Variants in TRUB1 observed in about 807,000 individuals in gnomAD.
TRUB1 encodes TruB pseudouridine synthase family member 1, also known as pseudouridylate synthase TRUB1.
Under a neutral mutation model 33.9 loss-of-function variants are expected in TRUB1, and 23 were observed. The observed-to-expected ratio is 0.68, with a 90% CI of 0.49 to 0.96. The LOEUF (loss-of-function observed/expected upper bound fraction) is 0.96, where lower values mean the gene tolerates loss of function less well. Ranked by LOEUF, TRUB1 falls within the 40% of genes least tolerant of loss-of-function variation. The pLI is 0.00. For synonymous variants in TRUB1, 163 were observed against 165.4 expected, an observed-to-expected ratio of 0.99 and a Z score of 0.11; for missense variants, 378 against 422.2, an observed-to-expected ratio of 0.90 and a Z score of 0.92.
At chr10:114,968,921 T>C (rs1032215663) in intron 4 of TRUB1, among the ~76,000 whole-genome samples, 34 of 152,170 alleles carry the variant, frequency 2.2e-4, no homozygotes, top group Non-Finnish European at 1.6e-4. Context: ...ATAAAAAGTT[T>C]AGATAAATTT....
intron 3 of TRUB1, among the ~76,000 whole-genome samples, 161 bp from the exon 4 acceptor site, chr10:114,959,565 C>T (rs1226416486): frequency 6.6e-6 from 1 of 152,182 alleles, no homozygotes; most frequent in Non-Finnish European, 1.5e-5. Context: ...TACACAATTG[C>T]TTTCCACATA....
At chr10:114,950,089 G>T (rs1392768840) in intron 2 of TRUB1, among the ~76,000 whole-genome samples, 1 of 151,906 alleles carries the variant, frequency 6.6e-6, no homozygotes, top group East Asian at 1.9e-4. Flanking sequence ...GTAGAGACGG[G>T]GTTTCTCCAT....
rs988682114 is a variant in TRUB1 at position 114,941,564 on chromosome 10, A to G, written c.287-1081A>G. Among the ~76,000 whole-genome samples the G allele has an allele frequency of 3.9e-5, 6 of 152,054 alleles. No individual in the cohort carries two copies. In the East Asian group the frequency reaches 9.7e-4, roughly 24 times the overall value. ...CCCTGTGTTGCCTAGGGTGGTCTCA[A>G]ACTTCCAGGTTCAAGTGATCCACCC... On this transcript the variant is annotated intron_variant, in intron 1 of 7. Transcript: ENST00000298746.
chr10:114,970,087 C>G (rs570776693), intron 4 of TRUB1, among the ~76,000 whole-genome samples: 3 of 152,076 alleles, frequency 2.0e-5, no homozygotes, highest in Non-Finnish European at 4.4e-5. Flanking sequence ...ATAGTCAGAA[C>G]CAACTGAATA....
intron 6 of TRUB1, among the ~76,000 whole-genome samples, chr10:114,973,523 A>G (rs2084346156): frequency 1.3e-5 from 2 of 152,308 alleles, no homozygotes; most frequent in Admixed American, 6.5e-5. Flanking sequence ...GTGAGTTTTG[A>G]TTAATTCCCC....
At position 114,975,476 on chromosome 10, in the gene TRUB1, T is replaced by A; in HGVS notation, c.*97T>A. 2 of 149,088 alleles carry A rather than the reference T, an allele frequency of 1.3e-5. No homozygotes were observed. Among genetic ancestry groups the A allele is most frequent in the Non-Finnish European group, 2.4e-5 (2 of 82,602 alleles). The allele number at this position is 149,088 out of a possible 1,614,324, so 9.2% of individuals were successfully genotyped here. ...GCATTCAAAAGACAAACAATATGTC[T>A]TTTTTTTTTTTGCATGAAGAAAAAT... On this transcript the variant is annotated 3_prime_UTR_variant, in exon 8 of 8. Transcript: ENST00000298746.
chr10:114,944,488 G>T (rs1244041296), intron 2 of TRUB1, among the ~76,000 whole-genome samples: 1 of 152,088 alleles, frequency 6.6e-6, no homozygotes, highest in Non-Finnish European at 1.5e-5. Flanking sequence ...GTGAGACCCT[G>T]TCTCTACTAA....
chr10:114,952,053 T>C (rs1040965445), intron 3 of TRUB1, among the ~76,000 whole-genome samples: 1 of 152,246 alleles, frequency 6.6e-6, no homozygotes, highest in Non-Finnish European at 1.5e-5. Context: ...GTAAAATTGC[T>C]AAATAAGTTT....
chr10:114,969,041 G>C (rs1363471387), intron 4 of TRUB1, among the ~76,000 whole-genome samples: 2 of 151,634 alleles, frequency 1.3e-5, no homozygotes, highest in African/African-American at 4.8e-5. Context: ...TATGTATGAA[G>C]ACATCTTTGA....
At chr10:114,953,600 C>T (rs1294485996) in intron 3 of TRUB1, among the ~76,000 whole-genome samples, 1 of 151,948 alleles carries the variant, frequency 6.6e-6, no homozygotes, top group South Asian at 2.1e-4. Flanking sequence ...TAGATACATA[C>T]ATTTATGAAA....
intron 3 of TRUB1, among the ~76,000 whole-genome samples, chr10:114,951,652 C>T (rs1425334347): frequency 6.6e-6 from 1 of 152,124 alleles, no homozygotes; most frequent in Non-Finnish European, 1.5e-5. Context: ...TTTCCAGGCA[C>T]TTGATAGAAG....
chr10:114,945,892 C>G (rs1251677281), intron 2 of TRUB1, among the ~76,000 whole-genome samples: 1 of 152,050 alleles, frequency 6.6e-6, no homozygotes, highest in African/African-American at 2.4e-5. Context: ...GTTGGAGGCT[C>G]AATTTATATT....
At chr10:114,972,963 A>G (rs918234030) in intron 6 of TRUB1, among the ~76,000 whole-genome samples, 1 of 152,208 alleles carries the variant, frequency 6.6e-6, no homozygotes, top group Non-Finnish European at 1.5e-5. Context: ...AAGAATCCAA[A>G]GCCGTGGTTC....
intron 2 of TRUB1, 91 bp from the exon 3 acceptor site, chr10:114,951,003 A>T (rs2084232693): frequency 9.1e-7 from 1 of 1,100,096 alleles, no homozygotes; most frequent in Admixed American, 1.8e-5. Flanking sequence ...CACATTACCT[A>T]AGCTGGGAAA....
rs771262162 is a variant in TRUB1 at position 114,972,219 on chromosome 10, A to G, written c.681A>G (p.Pro227=). The G allele has an allele frequency of 1.4e-5, 23 of 1,613,666 alleles. No individual in the cohort carries two copies. Among genetic ancestry groups the G allele is most frequent in the Non-Finnish European group, 1.9e-5 (23 of 1,179,826 alleles). Reference sequence around the variant, plus strand: ...TCGTAGAAGCAAAACCTGCCAGGCCAGTGACTGTATACAGTATCTCCCTTC... The same window carrying G: ...TCGTAGAAGCAAAACCTGCCAGGCCGGTGACTGTATACAGTATCTCCCTTC... The part of the protein sequence containing the change: ...GEVVEAKPAR[P]VTVYSISLQK... Residue 227 remains proline, a synonymous_variant, in exon 6 of 8, where the codon CCA becomes CCG. Transcript: ENST00000298746.
At chr10:114,942,617 C>G (rs2084193143) in intron 1 of TRUB1, 28 bp from the exon 2 acceptor site, 3 of 1,490,246 alleles carry the variant, frequency 2.0e-6, no homozygotes, top group South Asian at 2.3e-5. Context: ...TTGGTGATCA[C>G]CTTTTTTCAT....
At chr10:114,942,567 C>G (rs2084192787) in intron 1 of TRUB1, 78 bp from the exon 2 acceptor site, 6 of 973,542 alleles carry the variant, frequency 6.2e-6, no homozygotes, top group Non-Finnish European at 9.7e-6. Flanking sequence ...ATGCCATCCC[C>G]TTTTCCTCCC....
chr10:114,951,062 A>T, intron 2 of TRUB1, 32 bp from the exon 3 acceptor site: 1 of 1,583,776 alleles, frequency 6.3e-7, no homozygotes, highest in Non-Finnish European at 8.7e-7. Flanking sequence ...TTCAGAACAG[A>T]GTGTCATAAT....
At chr10:114,971,583 A>G (rs1052801040) in intron 5 of TRUB1, among the ~76,000 whole-genome samples, 2 of 151,772 alleles carry the variant, frequency 1.3e-5, no homozygotes, top group African/African-American at 2.4e-5. Context: ...ATATTTATGT[A>G]TAAGAATTGT....
Sources: gnomAD v4.1 joint callset for allele counts (sites outside exome capture counted in the v4.1 genomes callset) on GRCh38, gnomAD v4.1.1 for gene constraint, MANE v1.5 for transcripts, NCBI Gene and HGNC (gene_info 2026-07-23, HGNC 2026-07-21) for gene names.